EPAS1: variants seen among roughly 807,000 people sequenced by gnomAD.
The protein encoded by EPAS1 is endothelial PAS domain protein 1, also known as endothelial PAS domain-containing protein 1.
In EPAS1, 23 loss-of-function variants were observed where a neutral mutation model predicts 87.9. The ratio of observed to expected loss-of-function variants is 0.26; its 90% CI spans 0.19 to 0.37. EPAS1 has a LOEUF of 0.37. EPAS1 is among the 10% of genes least tolerant of loss of function. EPAS1 has a pLI of 1.00. For synonymous variants in EPAS1, 508 were observed against 444.3 expected (o/e 1.14, Z -1.80); for missense variants, 1,138 against 1,120.7 (o/e 1.02, Z -0.22).
chr2:46,349,952 T>C (rs1684116154), intron 2 of EPAS1, among the ~76,000 whole-genome samples: 1 of 152,260 alleles, frequency 6.6e-6, no homozygotes, highest in Non-Finnish European at 1.5e-5. Context: ...TGAGCTTTAG[T>C]TTCCTCATCT....
At chr2:46,344,093 A>T (rs1234110105) in intron 1 of EPAS1, among the ~76,000 whole-genome samples, 1 of 152,238 alleles carries the variant, frequency 6.6e-6, no homozygotes, top group African/African-American at 2.4e-5. Flanking sequence ...GTCAGTTTCC[A>T]CATCTCTAAA....
In EPAS1 at chr2:46,371,739, C is replaced by T. The variant is rs1205251587; in HGVS notation, c.886+1806C>T. ...TTAGCGGCCCAGGCTCTGGCCCAGC[C>T]GACCCACTGATTCCCTAGGGCCTGG... On this transcript the variant is annotated intron_variant, in intron 7 of 15. Coordinates refer to ENST00000263734, the MANE Select transcript of EPAS1 (RefSeq NM_001430.5). This position sits in a 1 kb window ranked among gnomAD's most constrained non-coding sequence, Gnocchi z 4.3. 1.3e-5 allele frequency among the ~76,000 whole-genome samples: 2 copies of T among 152,186 alleles called. No homozygotes were observed. Among genetic ancestry groups the T allele is most frequent in the Non-Finnish European group, 2.9e-5 (2 of 68,036 alleles).
chr2:46,324,597 C>G (rs1224699691), intron 1 of EPAS1, among the ~76,000 whole-genome samples: 2 of 152,224 alleles, frequency 1.3e-5, no homozygotes, highest in African/African-American at 4.8e-5. Flanking sequence ...CCCTGTTTGG[C>G]TGTGATATGC....
chr2:46,369,748 T>C (rs943937312), intron 6 of EPAS1, 79 bp from the exon 7 acceptor site: 1 of 992,648 alleles, frequency 1.0e-6, no homozygotes, highest in Non-Finnish European at 1.6e-6. Flanking sequence ...ATTTGCCTTC[T>C]GGGGTTAGCT....
intron 1 of EPAS1, among the ~76,000 whole-genome samples, chr2:46,309,929 C>G (rs1017775485): frequency 6.6e-6 from 1 of 152,204 alleles, no homozygotes; most frequent in Admixed American, 6.5e-5. Flanking sequence ...AACCAGAAGC[C>G]TAGCTCTAGT....
chr2:46,339,459 G>T (rs1194098704), intron 1 of EPAS1, among the ~76,000 whole-genome samples: 1 of 152,212 alleles, frequency 6.6e-6, no homozygotes, highest in Non-Finnish European at 1.5e-5. Flanking sequence ...TTTTGTTCCA[G>T]TTCCACATAC....
At chr2:46,340,408 G>A (rs948768331) in intron 1 of EPAS1, among the ~76,000 whole-genome samples, 12 of 152,178 alleles carry the variant, frequency 7.9e-5, no homozygotes, top group African/African-American at 2.7e-4. Flanking sequence ...GAGGTTGGGA[G>A]GCTGAGGTAT....
chr2:46,297,741 G>A lies in EPAS1; in HGVS notation c.-171G>A, dbSNP rs962007945. ...TTCTCCACCCCCGCCCCCGCACCTA[G>A]CCCGCCGCGCGCCACCTTCCACCTG... On this transcript the variant is annotated 5_prime_UTR_variant, in exon 1 of 16. Coordinates refer to ENST00000263734, the MANE Select transcript of EPAS1 (RefSeq NM_001430.5). 3.8e-6 allele frequency: 3 copies of A among 787,220 alleles called. No homozygotes were observed. In the African/African-American group the frequency reaches 5.4e-5, roughly 14 times the overall value. The allele number at this position is 787,220 out of a possible 1,614,324, so 48.8% of individuals were successfully genotyped here.
Position 46,360,825 on chromosome 2 carries a change from GC to G in EPAS1, c.574-57del, listed in dbSNP as rs1350557676. On this transcript the variant is annotated intron_variant, in intron 5 of 15. Coordinates refer to ENST00000263734, the MANE Select transcript of EPAS1 (RefSeq NM_001430.5). This position sits in a 1 kb window ranked among gnomAD's most constrained non-coding sequence, Gnocchi z 4.5. ...AACGGCGGTGCAGGGGATGCCTAAGGCCCTACCCCCACCCCCAGCACTCTCG... is the reference window on the plus strand; with the variant it reads ...AACGGCGGTGCAGGGGATGCCTAAGGCCTACCCCCACCCCCAGCACTCTCG... 2 of 1,612,366 alleles carry G rather than the reference GC, an allele frequency of 1.2e-6. No homozygotes were observed. The highest frequency in any genetic ancestry group is 1.7e-6 in the Non-Finnish European group (2 of 1,178,604).
intron 1 of EPAS1, among the ~76,000 whole-genome samples, chr2:46,322,591 A>G (rs1558586864): frequency 6.6e-6 from 1 of 152,162 alleles, no homozygotes; most frequent in African/African-American, 2.4e-5. Flanking sequence ...TCATCCCTGG[A>G]CCACACTATG....
chr2:46,299,794 A>G (rs1262333423), intron 1 of EPAS1, among the ~76,000 whole-genome samples: 1 of 152,218 alleles, frequency 6.6e-6, no homozygotes, highest in Admixed American at 6.5e-5. Context: ...ACACCCAGCT[A>G]CAGTACCTGG....
chr2:46,380,072 G>T lies in EPAS1; in HGVS notation c.1555-155G>T. ...TGTACATGACACAGCCAAGTCTGAG[G>T]TTTTCCTGATAGGCCCTCGGGAGCC... On this transcript the variant is annotated intron_variant, in intron 11 of 15. Coordinates refer to ENST00000263734, the MANE Select transcript of EPAS1 (RefSeq NM_001430.5). This position sits in a 1 kb window ranked among gnomAD's most constrained non-coding sequence, Gnocchi z 4.4. The T allele has an allele frequency of 2.4e-6, 3 of 1,245,792 alleles. No homozygotes were observed. Among genetic ancestry groups the T allele is most frequent in the Non-Finnish European group, 3.5e-6 (3 of 861,632 alleles). The allele number at this position is 1,245,792 out of a possible 1,614,324, so 77.2% of individuals were successfully genotyped here.
intron 1 of EPAS1, among the ~76,000 whole-genome samples, chr2:46,336,331 C>T (rs760825889): frequency 6.6e-6 from 1 of 151,924 alleles, no homozygotes; most frequent in Non-Finnish European, 1.5e-5. Flanking sequence ...AGGAGTAGAA[C>T]GTTTGCATAG....
At chr2:46,379,231 C>T (rs1032447895) in intron 11 of EPAS1, among the ~76,000 whole-genome samples, 12 of 152,160 alleles carry the variant, frequency 7.9e-5, no homozygotes, top group African/African-American at 2.7e-4. Context: ...TAAAACTTTT[C>T]AGGAACACAT....
In EPAS1 at chr2:46,347,584, C is replaced by G. The variant is rs1261009365; in HGVS notation, c.217+521C>G. Reference sequence around the variant, plus strand: ...AATGGGGTTAAACATACTTCTTGCCCAGGGTGTCGGTGAGAATGGACTGAA... The same window carrying G: ...AATGGGGTTAAACATACTTCTTGCCGAGGGTGTCGGTGAGAATGGACTGAA... On this transcript the variant is annotated intron_variant, in intron 2 of 15. Coordinates refer to ENST00000263734, the MANE Select transcript of EPAS1 (RefSeq NM_001430.5). The surrounding 1 kb of genome is among the most constrained non-coding windows in gnomAD (Gnocchi z 4.2). 5 of 196,800 alleles carry G rather than the reference C, an allele frequency of 2.5e-5. No homozygotes were observed. In the South Asian group the frequency reaches 4.9e-4, roughly 19 times the overall value. 12.2% of individuals were successfully genotyped at this position (196,800 alleles called of 1,614,324 possible).
At chr2:46,376,441 T>G in intron 8 of EPAS1, 98 bp from the exon 9 acceptor site, 1 of 1,193,374 alleles carries the variant, frequency 8.4e-7, no homozygotes, top group Non-Finnish European at 1.3e-6. Context: ...ACCCATTTTT[T>G]GTCGGAGAGC....
chr2:46,351,935 A>T (rs1457616569), intron 2 of EPAS1, among the ~76,000 whole-genome samples: 1 of 152,186 alleles, frequency 6.6e-6, no homozygotes, highest in Non-Finnish European at 1.5e-5. Context: ...GTGCTGCCTG[A>T]AGGAAATGAG....
At chr2:46,321,682 C>T (rs1289779668) in intron 1 of EPAS1, among the ~76,000 whole-genome samples, 1 of 151,718 alleles carries the variant, frequency 6.6e-6, no homozygotes, top group Non-Finnish European at 1.5e-5. Context: ...TTCCTTGCCC[C>T]CCACCCCACC....
rs1290381115 is a variant in EPAS1, at chr2:46,371,995, T to C, written c.886+2062T>C. Reference sequence around the variant, plus strand: ...TAGAAAGGATTTTCCCTCTTGTTCTTCTTAGAACATCTTCAATCCATAAAA... The same window carrying C: ...TAGAAAGGATTTTCCCTCTTGTTCTCCTTAGAACATCTTCAATCCATAAAA... On this transcript the variant is annotated intron_variant, in intron 7 of 15. Transcript: ENST00000263734. The surrounding 1 kb of genome is among the most constrained non-coding windows in gnomAD (Gnocchi z 4.3). Among the ~76,000 whole-genome samples, 1 of 152,216 alleles carries C rather than the reference T, an allele frequency of 6.6e-6. No homozygotes were observed. The highest frequency in any genetic ancestry group is 2.4e-5 in the African/African-American group (1 of 41,446).
Sources: allele counts gnomAD v4.1 joint callset (sites outside exome capture counted in the v4.1 genomes callset), GRCh38; gene constraint gnomAD v4.1.1; non-coding constraint Gnocchi (gnomAD v3.1); transcripts MANE v1.5; gene names NCBI Gene and HGNC (gene_info 2026-07-23, HGNC 2026-07-21).